ZKSCAN1: variants seen among roughly 807,000 people sequenced by gnomAD.
ZKSCAN1 encodes the protein zinc finger with KRAB and SCAN domains 1.
A neutral mutation model predicts 51.6 loss-of-function variants in ZKSCAN1; 14 were observed. The observed-to-expected ratio is 0.27, with a 90% CI of 0.18 to 0.42. ZKSCAN1 has a LOEUF of 0.42. Ranked by LOEUF, ZKSCAN1 falls within the 10% of genes least tolerant of loss-of-function variation. The probability of loss-of-function intolerance (pLI) is 1.00; values close to 1 mark genes in which losing one functional copy is unlikely to be tolerated. For synonymous variants in ZKSCAN1, 263 were observed against 261.5 expected, an observed-to-expected ratio of 1.01 and a Z score of -0.06; for missense variants, 531 against 710.0, an observed-to-expected ratio of 0.75 and a Z score of 2.86.
Position 100,036,822 on chromosome 7 carries a change from A to C in ZKSCAN1, c.*2625A>C. 2 of 961,616 alleles carry C rather than the reference A, an allele frequency of 2.1e-6. No homozygotes were observed. The highest frequency in any genetic ancestry group is 2.4e-6 in the Non-Finnish European group (2 of 822,910). 59.6% of individuals were successfully genotyped at this position (961,616 alleles called of 1,614,324 possible). A position where few individuals can be genotyped will look rare whatever the true frequency, so the allele number is the denominator to read the frequency against. On this transcript the variant is annotated 3_prime_UTR_variant, in exon 6 of 6. Transcript: ENST00000324306. ...GGGAAAGGACTTTGGTCATGTTTACATTGGCCTTTGGTTTTTTTTTTTCTT... is the reference window on the plus strand; with the variant it reads ...GGGAAAGGACTTTGGTCATGTTTACCTTGGCCTTTGGTTTTTTTTTTTCTT...
At chr7:100,020,229 G>A (rs35228488) in intron 1 of ZKSCAN1, among the ~76,000 whole-genome samples, 183 of 152,088 alleles carry the variant, frequency 1.2e-3, no homozygotes, top group African/African-American at 4.1e-3. Context: ...ACTGCGGGGG[G>A]AAGTCCCAGG....
Position 100,038,855 on chromosome 7 carries a change from C to A in ZKSCAN1, c.*4658C>A. 1 of 512,806 alleles carries A rather than the reference C, an allele frequency of 2.0e-6. No individual in the cohort carries two copies. Among genetic ancestry groups the A allele is most frequent in the Non-Finnish European group, 2.5e-6 (1 of 398,352 alleles). The allele number at this position is 512,806 out of a possible 1,614,324, so 31.8% of individuals were successfully genotyped here. The stretch of plus-strand genomic sequence containing the variant: ...CTAAAAATACAAAAAAATAGCTGGG[C>A]GTGGTGGCGGGCGCCTGTAGTCCCA... On this transcript the variant is annotated 3_prime_UTR_variant, in exon 6 of 6. Transcript: ENST00000324306.
intron 1 of ZKSCAN1, among the ~76,000 whole-genome samples, chr7:100,021,075 T>C (rs1790566048): frequency 6.6e-6 from 1 of 151,820 alleles, no homozygotes; most frequent in Admixed American, 6.6e-5. Flanking sequence ...GAAAGATTTT[T>C]AAACAGGTTA....
At chr7:100,032,561 A>G (rs1791154349) in intron 5 of ZKSCAN1, among the ~76,000 whole-genome samples, 1 of 152,090 alleles carries the variant, frequency 6.6e-6, no homozygotes, top group Non-Finnish European at 1.5e-5. Context: ...TTTATGTCCA[A>G]TTAATATTGT....
chr7:100,022,936 G>C (rs1042126526), intron 1 of ZKSCAN1, among the ~76,000 whole-genome samples: 6 of 152,068 alleles, frequency 3.9e-5, no homozygotes, highest in African/African-American at 1.4e-4. Flanking sequence ...GAGTCGGCCT[G>C]TTTGAGGTTT....
At position 100,033,263 on chromosome 7, in the gene ZKSCAN1, A is replaced by G; in HGVS notation, c.800-42A>G. 2 of 1,549,406 alleles carry G rather than the reference A, an allele frequency of 1.3e-6. No homozygotes were observed. The highest frequency in any genetic ancestry group is 1.7e-6 in the Non-Finnish European group (2 of 1,154,112). On this transcript the variant is annotated intron_variant, in intron 5 of 5. Coordinates refer to ENST00000324306, the MANE Select transcript of ZKSCAN1 (RefSeq NM_003439.4). The surrounding 1 kb of genome is among the most constrained non-coding windows in gnomAD (Gnocchi z 4.1). ...GTCGCTTGACCCACCTGTATATTCA[A>G]AAGAAAAAGGTGCGATTTGAATTTT...
intron 5 of ZKSCAN1, among the ~76,000 whole-genome samples, chr7:100,032,923 G>T (rs1005355819): frequency 6.6e-6 from 1 of 151,716 alleles, no homozygotes; most frequent in East Asian, 1.9e-4. Flanking sequence ...CAGGAGAATG[G>T]CGTCAACCTG....
At chr7:100,030,169 C>G in intron 4 of ZKSCAN1, 80 bp from the exon 5 acceptor site, 1 of 1,565,036 alleles carries the variant, frequency 6.4e-7, no homozygotes, top group South Asian at 1.2e-5. Context: ...GCAGCCACCT[C>G]TCTTCCTGAC....
At chr7:100,022,999 C>T (rs1315340346) in intron 1 of ZKSCAN1, among the ~76,000 whole-genome samples, 2 of 151,960 alleles carry the variant, frequency 1.3e-5, no homozygotes, top group African/African-American at 4.8e-5. Context: ...ACAGTTTTTT[C>T]CTCGATTTGT....
At chr7:100,030,175 C>A (rs1791046272) in intron 4 of ZKSCAN1, 74 bp from the exon 5 acceptor site, 20 of 1,570,188 alleles carry the variant, frequency 1.3e-5, no homozygotes, top group Non-Finnish European at 1.7e-5. Flanking sequence ...ACCTCTCTTC[C>A]TGACTCCAGG....
chr7:100,016,525 C>T (rs1790373030), intron 1 of ZKSCAN1, among the ~76,000 whole-genome samples: 2 of 152,190 alleles, frequency 1.3e-5, no homozygotes, highest in Admixed American at 1.3e-4. Flanking sequence ...AGACGAGACA[C>T]TCACCAAGTC....
rs149465570 is a variant in ZKSCAN1, at chr7:100,039,938, A to G, written c.*5741A>G. ...TTTTTATTTCAACTACTACTGGAGAATTTAATAAAAGGCATTATTTGAAAA... is the reference window on the plus strand; with the variant it reads ...TTTTTATTTCAACTACTACTGGAGAGTTTAATAAAAGGCATTATTTGAAAA... On this transcript the variant is annotated 3_prime_UTR_variant, in exon 6 of 6. Coordinates refer to ENST00000324306, the MANE Select transcript of ZKSCAN1 (RefSeq NM_003439.4). 2.0e-6 allele frequency: 2 copies of G among 977,410 alleles called. No homozygotes were observed. The highest frequency in any genetic ancestry group is 9.5e-5 in the South Asian group (2 of 21,096). The allele number at this position is 977,410 out of a possible 1,614,324, so 60.5% of individuals were successfully genotyped here.
At chr7:100,044,961 G>A (rs186223561), downstream of ZKSCAN1, 19 of 985,336 alleles carry the variant, frequency 1.9e-5, no homozygotes, top group Non-Finnish European at 2.4e-6. Context: ...TGATGAGAAC[G>A]AGCGAGGAAG....
intron 1 of ZKSCAN1, among the ~76,000 whole-genome samples, chr7:100,019,842 C>T (rs892467651): frequency 2.0e-5 from 3 of 152,084 alleles, no homozygotes; most frequent in African/African-American, 7.2e-5. Context: ...GCTGGGACTA[C>T]AGGCATTGCA....
rs951480248 is a variant in ZKSCAN1 at position 100,037,681 on chromosome 7, G to A, written c.*3484G>A. ...CTTCAGACAGAAAATGAATTCCGTC[G>A]GTATGTTCCAATCGTGATGAATTTG... On this transcript the variant is annotated 3_prime_UTR_variant, in exon 6 of 6. Transcript: ENST00000324306. 58 of 985,294 alleles carry A rather than the reference G, an allele frequency of 5.9e-5. No individual in the cohort carries two copies. Among genetic ancestry groups the A allele is most frequent in the Non-Finnish European group, 6.6e-5 (55 of 829,946 alleles). The allele number at this position is 985,294 out of a possible 1,614,324, so 61.0% of individuals were successfully genotyped here.
chr7:100,017,779 A>T (rs1790431710), intron 1 of ZKSCAN1, among the ~76,000 whole-genome samples: 1 of 152,146 alleles, frequency 6.6e-6, no homozygotes, highest in African/African-American at 2.4e-5. Context: ...TTGACTGATA[A>T]AGATACAAAA....
At chr7:100,018,041 C>CA (rs1194871060) in intron 1 of ZKSCAN1, among the ~76,000 whole-genome samples, 7 of 152,320 alleles carry the variant, frequency 4.6e-5, no homozygotes, top group African/African-American at 1.7e-4. Context: ...ATTTAATCCT[C>CA]ACGGCAACTC....
At chr7:100,024,373 G>A (rs1790726856) in intron 3 of ZKSCAN1, 66 bp downstream of exon 3, 9 of 1,564,828 alleles carry the variant, frequency 5.8e-6, no homozygotes, top group Non-Finnish European at 7.8e-6. Flanking sequence ...GTGCTGCTGA[G>A]TGCCTGTGAT....
At chr7:100,043,806 A>G (rs1791657870), downstream of ZKSCAN1, among the ~76,000 whole-genome samples, 1 of 114,610 alleles carries the variant, frequency 8.7e-6, no homozygotes, top group Admixed American at 1.0e-4. Flanking sequence ...TTTTGGAGAC[A>G]GAATCTCTCT....
Sources: allele counts gnomAD v4.1 joint callset (sites outside exome capture counted in the v4.1 genomes callset), GRCh38; gene constraint gnomAD v4.1.1; non-coding constraint Gnocchi (gnomAD v3.1); transcripts MANE v1.5; gene names NCBI Gene and HGNC (gene_info 2026-07-23, HGNC 2026-07-21).